The following FAM171B variants were observed in gnomAD, a reference collection of about 807,000 sequenced individuals.
The protein encoded by FAM171B is protein FAM171B.
A neutral mutation model predicts 75.6 loss-of-function variants in FAM171B; 19 were observed. That is an observed-to-expected ratio of 0.25 (90% confidence interval 0.18 to 0.37). FAM171B has a LOEUF of 0.37. Ranked by LOEUF, FAM171B falls within the 10% of genes least tolerant of loss-of-function variation. FAM171B has a pLI of 1.00. For synonymous variants in FAM171B, 367 were observed against 361.7 expected, an observed-to-expected ratio of 1.01 and a Z score of -0.17; for missense variants, 848 against 982.4, an observed-to-expected ratio of 0.86 and a Z score of 1.83.
chr2:186,731,209 T>G (rs1452041322), intron 1 of FAM171B, among the ~76,000 whole-genome samples: 1 of 152,226 alleles, frequency 6.6e-6, no homozygotes, highest in African/African-American at 2.4e-5. Context: ...ATATTTAATG[T>G]GCTTACTTAA....
chr2:186,739,724 C>A (rs920179148), intron 1 of FAM171B, among the ~76,000 whole-genome samples: 2 of 152,070 alleles, frequency 1.3e-5, no homozygotes, highest in African/African-American at 4.8e-5. Flanking sequence ...TTACAATTAA[C>A]TTTTATTTTT....
At chr2:186,736,850 T>G (rs1393992028) in intron 1 of FAM171B, among the ~76,000 whole-genome samples, 1 of 152,120 alleles carries the variant, frequency 6.6e-6, no homozygotes, top group African/African-American at 2.4e-5. Flanking sequence ...ACAAGAATTT[T>G]TTATCTGATT....
intron 1 of FAM171B, among the ~76,000 whole-genome samples, chr2:186,724,838 A>G (rs1397604806): frequency 6.6e-6 from 1 of 152,138 alleles, no homozygotes; most frequent in Non-Finnish European, 1.5e-5. Flanking sequence ...AGGAGGGGAA[A>G]TGAGCTCAGA....
Position 186,740,212 on chromosome 2 carries a change from A to G in FAM171B, c.239-16A>G, listed in dbSNP as rs1690267626. 1.9e-6 allele frequency: 3 copies of G among 1,592,744 alleles called. No individual in the cohort carries two copies. Among genetic ancestry groups the G allele is most frequent in the African/African-American group, 2.7e-5 (2 of 74,438 alleles). ...TAGGATACGACATGCTGCAATTTCT[A>G]CCTTTTTCTCTCCAGTGTCTGTATT... is the stretch of plus-strand genomic sequence containing the variant. On this transcript the variant is annotated splice_polypyrimidine_tract_variant and intron_variant, in intron 1 of 7. Coordinates refer to ENST00000304698, the MANE Select transcript of FAM171B (RefSeq NM_177454.4).
At chr2:186,703,407 C>T (rs1009642282) in intron 1 of FAM171B, among the ~76,000 whole-genome samples, 1 of 152,168 alleles carries the variant, frequency 6.6e-6, no homozygotes, top group Non-Finnish European at 1.5e-5. Flanking sequence ...ACTCATAGCT[C>T]ATGCTGTGAG....
Position 186,762,758 on chromosome 2 carries a change from A to G in FAM171B, c.2416A>G (p.Lys806Glu), listed in dbSNP as rs1250110648. The G allele has an allele frequency of 6.2e-7, 1 of 1,613,384 alleles. No homozygotes were observed. Among genetic ancestry groups the G allele is most frequent in the East Asian group, 2.2e-5 (1 of 44,854 alleles). The change falls in exon 8 of 8, where the codon AAA becomes GAA. Residue 806 changes from lysine (K) to glutamate (E), a missense_variant. Coordinates refer to ENST00000304698, the MANE Select transcript of FAM171B (RefSeq NM_177454.4). This position sits in a 1 kb window ranked among gnomAD's most constrained non-coding sequence, Gnocchi z 4.0. ...AAGAAGGGGCAGACCACCACTAGCC[A>G]AAAGAGATAGCAAGACTAACATCTG... ...TKRRGRPPLA[K>E]RDSKTNIWKK...
intron 5 of FAM171B, 102 bp from the exon 6 acceptor site, chr2:186,753,831 A>G: frequency 2.5e-6 from 2 of 803,376 alleles, no homozygotes. Context: ...ATATATTGCC[A>G]CAGTTTTCAT....
intron 4 of FAM171B, among the ~76,000 whole-genome samples, chr2:186,750,487 G>A (rs975276809): frequency 9.2e-5 from 14 of 152,110 alleles, no homozygotes; most frequent in Non-Finnish European, 1.3e-4. Context: ...TATTCTTTCA[G>A]TTGTATGAAT....
intron 6 of FAM171B, among the ~76,000 whole-genome samples, chr2:186,760,043 G>A (rs1437159989): frequency 6.6e-6 from 1 of 152,096 alleles, no homozygotes; most frequent in African/African-American, 2.4e-5. Flanking sequence ...TGAAGAGACT[G>A]TCCTTTCCCC....
At chr2:186,734,499 T>C (rs2105783562) in intron 1 of FAM171B, among the ~76,000 whole-genome samples, 1 of 152,006 alleles carries the variant, frequency 6.6e-6, no homozygotes, top group South Asian at 2.1e-4. Flanking sequence ...ACAACATCTC[T>C]GTGGCCCTCA....
intron 1 of FAM171B, among the ~76,000 whole-genome samples, chr2:186,696,839 ATGG>A (rs2105768557): frequency 6.7e-6 from 1 of 148,912 alleles, no homozygotes; most frequent in South Asian, 2.2e-4. Flanking sequence ...ATTCTCCTCC[ATGG>A]TACTCATTAT....
At chr2:186,731,795 C>A (rs1342649478) in intron 1 of FAM171B, among the ~76,000 whole-genome samples, 1 of 152,102 alleles carries the variant, frequency 6.6e-6, no homozygotes, top group East Asian at 1.9e-4. Context: ...CTGGGCTCCA[C>A]CTCTTGTCAG....
At chr2:186,718,768 T>G (rs1381395452) in intron 1 of FAM171B, among the ~76,000 whole-genome samples, 1 of 152,244 alleles carries the variant, frequency 6.6e-6, no homozygotes, top group Non-Finnish European at 1.5e-5. Context: ...TGAGGCAAAT[T>G]TAATTGATAT....
chr2:186,755,135 A>G (rs1690515381), intron 6 of FAM171B, among the ~76,000 whole-genome samples: 1 of 152,134 alleles, frequency 6.6e-6, no homozygotes, highest in Non-Finnish European at 1.5e-5. Context: ...CAAACATTGC[A>G]TATTTTAGCC....
rs1690189840 is a variant in FAM171B, at chr2:186,735,735, C to A, written c.239-4493C>A. 2.0e-5 allele frequency among the ~76,000 whole-genome samples: 3 copies of A among 152,204 alleles called. No homozygotes were observed. In the South Asian group the frequency reaches 6.2e-4, roughly 31 times the overall value. On this transcript the variant is annotated intron_variant, in intron 1 of 7. Coordinates refer to ENST00000304698, the MANE Select transcript of FAM171B (RefSeq NM_177454.4). ...GTGTTATAATTTTCATAAAGGCAAT[C>A]TCAGGCACATTTATTTATTCTTTAC... is the stretch of plus-strand genomic sequence containing the variant.
chr2:186,722,391 G>A (rs990131641), intron 1 of FAM171B, among the ~76,000 whole-genome samples: 7 of 151,688 alleles, frequency 4.6e-5, no homozygotes, highest in Admixed American at 2.0e-4. Flanking sequence ...GTTTCTTTTC[G>A]GCATTAAAGA....
intron 6 of FAM171B, among the ~76,000 whole-genome samples, chr2:186,758,130 G>C (rs1040458631): frequency 7.4e-5 from 9 of 121,700 alleles, no homozygotes; most frequent in Non-Finnish European, 1.6e-4. Context: ...CGAAAACTGA[G>C]TGCTTATCGT....
chr2:186,753,972 A>C lies in FAM171B; in HGVS notation c.935A>C (p.His312Pro). The change falls in exon 6 of 8, where the codon CAT (histidine) becomes CCT (proline). Residue 312 changes from histidine (H) to proline (P), a missense_variant. By Grantham distance (77) the His-to-Pro change is moderately conservative (BLOSUM62 -2). Coordinates refer to ENST00000304698, the MANE Select transcript of FAM171B (RefSeq NM_177454.4). ...CATGGTCGGGGAATGGTCAAGGAAC[A>C]TAACAATCATTTAATCTGGACATAT... is the stretch of plus-strand genomic sequence containing the variant. ...VNHGRGMVKE[H>P]NNHLIWTYDA... The C allele has an allele frequency of 6.2e-7, 1 of 1,613,710 alleles. No homozygotes were observed. The highest frequency in any genetic ancestry group is 8.5e-7 in the Non-Finnish European group (1 of 1,179,762).
chr2:186,707,761 C>T (rs757383778), intron 1 of FAM171B, among the ~76,000 whole-genome samples: 5 of 151,826 alleles, frequency 3.3e-5, no homozygotes, highest in Non-Finnish European at 5.9e-5. Flanking sequence ...CCAACACAGG[C>T]AGTGCCCATC....
Sources: gnomAD v4.1 joint callset for allele counts (sites outside exome capture counted in the v4.1 genomes callset) on GRCh38, gnomAD v4.1.1 for gene constraint, Gnocchi (gnomAD v3.1) non-coding constraint, MANE v1.5 for transcripts, NCBI Gene and HGNC (gene_info 2026-07-23, HGNC 2026-07-21) for gene names.